Variants in RUNX1 observed in about 807,000 individuals in gnomAD.
The protein encoded by RUNX1 is RUNX family transcription factor 1, also known as runt-related transcription factor 1.
Under a neutral mutation model 42.8 loss-of-function variants are expected in RUNX1, and 19 were observed. The observed-to-expected ratio is 0.44, with a 90% CI of 0.31 to 0.65. The LOEUF (loss-of-function observed/expected upper bound fraction) is 0.65, where lower values mean the gene tolerates loss of function less well. RUNX1 is among the 30% of genes least tolerant of loss of function. The probability of loss-of-function intolerance (pLI) is 0.07; values close to 1 mark genes in which losing one functional copy is unlikely to be tolerated. For missense variants in RUNX1, 528 were observed against 672.0 expected, an observed-to-expected ratio of 0.79 and a Z score of 2.37; for synonymous variants, 271 against 289.4, an observed-to-expected ratio of 0.94 and a Z score of 0.64.
At chr21:34,964,995 C>T (rs1176118571) in intron 2 of RUNX1, among the ~76,000 whole-genome samples, 2 of 149,844 alleles carry the variant, frequency 1.3e-5, no homozygotes, top group Non-Finnish European at 2.9e-5. Flanking sequence ...CACAAGCACA[C>T]TCACATACGT....
intron 2 of RUNX1, among the ~76,000 whole-genome samples, chr21:34,990,899 A>C (rs1407586814): frequency 6.6e-6 from 1 of 152,112 alleles, no homozygotes; most frequent in African/African-American, 2.4e-5. Context: ...CTGGGGAATA[A>C]ATTTTTGCTA....
intron 2 of RUNX1, among the ~76,000 whole-genome samples, chr21:34,975,049 G>A (rs1347444478): frequency 6.9e-6 from 1 of 145,430 alleles, no homozygotes; most frequent in East Asian, 1.9e-4. Flanking sequence ...GGCAGAGCCA[G>A]CTAGATGTGG....
intron 2 of RUNX1, among the ~76,000 whole-genome samples, chr21:35,025,947 C>T (rs751485190): frequency 2.8e-4 from 42 of 152,092 alleles, no homozygotes; most frequent in Non-Finnish European, 4.4e-4. Flanking sequence ...ACTGTTTCTA[C>T]TCTATGTTTT....
intron 8 of RUNX1, among the ~76,000 whole-genome samples, chr21:34,793,706 CTT>C (rs35219772): frequency 0.025 from 3,559 of 144,614 alleles, 131 homozygotes; most frequent in African/African-American, 0.085. Context: ...AATATTTATT[CTT>C]TTTTTTTTTT....
intron 7 of RUNX1, among the ~76,000 whole-genome samples, chr21:34,825,704 A>G (rs1476137581): frequency 1.3e-5 from 2 of 152,144 alleles, no homozygotes; most frequent in African/African-American, 4.8e-5. Context: ...CTCCAGAACC[A>G]TTTCCTCACC....
At chr21:34,806,784 C>A (rs912712682) in intron 7 of RUNX1, among the ~76,000 whole-genome samples, 1 of 151,866 alleles carries the variant, frequency 6.6e-6, no homozygotes, top group African/African-American at 2.4e-5. Flanking sequence ...TTTCTCAGAC[C>A]ACATGGATTT....
chr21:34,954,949 C>T (rs1311250684), intron 2 of RUNX1, among the ~76,000 whole-genome samples: 1 of 152,156 alleles, frequency 6.6e-6, no homozygotes, highest in Non-Finnish European at 1.5e-5. Context: ...AGAGGTGGTG[C>T]ACCTTTGATG....
chr21:35,015,136 C>T (rs560466773), intron 2 of RUNX1, among the ~76,000 whole-genome samples: 32 of 152,352 alleles, frequency 2.1e-4, no homozygotes, highest in African/African-American at 7.5e-4. Flanking sequence ...CATTCACCAG[C>T]TCTGCCTTTT....
chr21:34,790,099 A>T lies in RUNX1; in HGVS notation c.*2036T>A. The T allele has an allele frequency of 4.3e-6, 1 of 233,176 alleles. No individual in the cohort carries two copies. Among genetic ancestry groups the T allele is most frequent in the South Asian group, 1.8e-4 (1 of 5,528 alleles). The allele number at this position is 233,176 out of a possible 1,614,324, so 14.4% of individuals were successfully genotyped here. On this transcript the variant is annotated 3_prime_UTR_variant, in exon 9 of 9. Coordinates refer to ENST00000675419, the MANE Select transcript of RUNX1 (RefSeq NM_001754.5). ...GGGAATCCTGTCAAAAATGAAAGTG[A>T]ATATATTCTGAGTTTGTCCGAGATC...
At chr21:34,816,194 A>C (rs533655873) in intron 7 of RUNX1, among the ~76,000 whole-genome samples, 3 of 152,354 alleles carry the variant, frequency 2.0e-5, no homozygotes, top group African/African-American at 7.2e-5. Flanking sequence ...CCTAAAACAA[A>C]CAGTTTTGAC....
At chr21:34,889,789 C>T in intron 3 of RUNX1, 1 of 1,138,918 alleles carries the variant, frequency 8.8e-7, no homozygotes, top group South Asian at 2.4e-5. Flanking sequence ...GCTGCCAACT[C>T]CGACCCCGCC....
At chr21:34,853,512 T>C (rs1334670550) in intron 6 of RUNX1, among the ~76,000 whole-genome samples, 1 of 152,204 alleles carries the variant, frequency 6.6e-6, no homozygotes, top group Non-Finnish European at 1.5e-5. Flanking sequence ...CTGGACGCCT[T>C]AGTTTACATG....
At chr21:34,977,184 T>C (rs140607259) in intron 2 of RUNX1, among the ~76,000 whole-genome samples, 75 of 152,340 alleles carry the variant, frequency 4.9e-4, no homozygotes, top group African/African-American at 1.7e-3. Context: ...ATCCATTTTG[T>C]CTTTAAAAAG....
chr21:34,849,913 A>AATT (rs895988883), intron 6 of RUNX1, among the ~76,000 whole-genome samples: 6 of 150,868 alleles, frequency 4.0e-5, no homozygotes, highest in South Asian at 2.1e-4. Flanking sequence ...GCTAAACTGG[A>AATT]ATTATTATTA....
chr21:34,862,287 A>C (rs899887334), intron 5 of RUNX1, among the ~76,000 whole-genome samples: 1 of 152,186 alleles, frequency 6.6e-6, no homozygotes, highest in Admixed American at 6.5e-5. Flanking sequence ...TTCATCTTCC[A>C]AGAATGCAGC....
chr21:34,793,886 T>C (rs2056487904), intron 8 of RUNX1, among the ~76,000 whole-genome samples: 1 of 151,992 alleles, frequency 6.6e-6, no homozygotes. Flanking sequence ...GTATTTTTAG[T>C]GGAGATGAGA....
intron 2 of RUNX1, among the ~76,000 whole-genome samples, chr21:34,978,380 G>C (rs2058819604): frequency 6.6e-6 from 1 of 152,154 alleles, no homozygotes; most frequent in South Asian, 2.1e-4. Context: ...TGGAATAAAT[G>C]AATGGAAATG....
At position 35,036,154 on chromosome 21, in the gene RUNX1, A is replaced by G. The variant is rs149302754; in HGVS notation, c.58+12688T>C. Reference sequence around the variant, plus strand: ...GTGCTAAATAAGCCGGAAGAAGCACAGCAAATCACAAGGATGCCCAGAATA... The same window carrying G: ...GTGCTAAATAAGCCGGAAGAAGCACGGCAAATCACAAGGATGCCCAGAATA... On this transcript the variant is annotated intron_variant, in intron 2 of 8. Coordinates refer to ENST00000675419, the MANE Select transcript of RUNX1 (RefSeq NM_001754.5). Among the ~76,000 whole-genome samples the G allele has an allele frequency of 1.8e-3, 269 of 152,358 alleles. 2 individuals are homozygous for G. The highest frequency in any genetic ancestry group is 6.8e-3 in the Middle Eastern group (2 of 294).
chr21:35,023,165 A>G (rs1268017459), intron 2 of RUNX1, among the ~76,000 whole-genome samples: 1 of 151,968 alleles, frequency 6.6e-6, no homozygotes, highest in African/African-American at 2.4e-5. Flanking sequence ...TCTGGTCTCA[A>G]ACTCCTGGGC....
Sources: gnomAD v4.1 joint callset for allele counts (sites outside exome capture counted in the v4.1 genomes callset) on GRCh38, gnomAD v4.1.1 for gene constraint, MANE v1.5 for transcripts, NCBI Gene and HGNC (gene_info 2026-07-23, HGNC 2026-07-21) for gene names.